SLC49A3: variants seen among roughly 807,000 people sequenced by gnomAD.
SLC49A3 encodes solute carrier family 49 member 3.
SLC49A3 carries 50 observed loss-of-function variants against 43.8 expected under a neutral mutation model. The ratio of observed to expected loss-of-function variants is 1.14; its 90% CI spans 0.91 to 1.45. The LOEUF (loss-of-function observed/expected upper bound fraction) is 1.45, where lower values mean the gene tolerates loss of function less well. SLC49A3 is among the 40% of genes most tolerant of loss of function. The probability of loss-of-function intolerance (pLI) is 0.00; values close to 1 mark genes in which losing one functional copy is unlikely to be tolerated. For missense variants in SLC49A3, 906 were observed against 774.1 expected, an observed-to-expected ratio of 1.17 and a Z score of -2.02; for synonymous variants, 413 against 352.0, an observed-to-expected ratio of 1.17 and a Z score of -1.94.
Position 684,714 on chromosome 4 carries a change from C to T in SLC49A3, c.723+5G>A. On this transcript the variant is annotated splice_donor_5th_base_variant and intron_variant, in intron 5 of 9. Transcript: ENST00000322224. ...ACCCTACCCCGGGGATCCCACGGCA[C>T]TGACCAGCTTGAGCCCATCCAGGAA... The T allele has an allele frequency of 6.2e-7, 1 of 1,610,362 alleles. No homozygotes were observed. The highest frequency in any genetic ancestry group is 8.5e-7 in the Non-Finnish European group (1 of 1,178,930).
At chr4:679,980 T>A (rs776610977), downstream of SLC49A3, 16 of 1,613,514 alleles carry the variant, frequency 9.9e-6, no homozygotes, top group South Asian at 1.3e-4. Context: ...CCCATCAACT[T>A]CACCATGTTT....
Position 688,994 on chromosome 4 carries a change from G to C in SLC49A3, c.134C>G (p.Thr45Arg). The change falls in exon 1 of 10, where the codon ACG becomes AGG. Residue 45 changes from threonine (T) to arginine (R), a missense_variant and splice_region_variant. By Grantham distance (71) the Thr-to-Arg change is moderately conservative (BLOSUM62 -1). Coordinates refer to ENST00000322224, the MANE Select transcript of SLC49A3 (RefSeq NM_032219.4). ...ACCTGTCCCCGCCCCTGCCCCTACCGTGGCGTTGGAGCAGTTGAGCAGGCT... is the reference window on the plus strand; with the variant it reads ...ACCTGTCCCCGCCCCTGCCCCTACCCTGGCGTTGGAGCAGTTGAGCAGGCT... ...AISLLNCSNA[T>R]LWLSFAPVAD... 5.0e-6 allele frequency: 8 copies of C among 1,592,702 alleles called. No individual in the cohort carries two copies. The highest frequency in any genetic ancestry group is 6.8e-6 in the Non-Finnish European group (8 of 1,171,522).
chr4:685,574 C>T lies in SLC49A3; in HGVS notation c.585+261G>A, dbSNP rs937158238. Among the ~76,000 whole-genome samples, 2 of 152,042 alleles carry T rather than the reference C, an allele frequency of 1.3e-5. No individual in the cohort carries two copies. The highest frequency in any genetic ancestry group is 6.5e-5 in the Admixed American group (1 of 15,268). The stretch of plus-strand genomic sequence containing the variant: ...AAAAAAAATTAGCCAAGCATGGTGG[C>T]GCACGCCTGTAGTCCCAGCTACTCG... On this transcript the variant is annotated intron_variant, in intron 4 of 9. Coordinates refer to ENST00000322224, the MANE Select transcript of SLC49A3 (RefSeq NM_032219.4). This position sits in a 1 kb window ranked among gnomAD's most constrained non-coding sequence, Gnocchi z 4.3.
downstream of SLC49A3, among the ~76,000 whole-genome samples, chr4:681,543 C>A (rs1739542447): frequency 6.7e-6 from 1 of 148,634 alleles, no homozygotes; most frequent in Admixed American, 6.7e-5. Flanking sequence ...TCCTCCCCGA[C>A]GCTGCTGAAG....
At chr4:684,688 C>G in intron 5 of SLC49A3, 31 bp downstream of exon 5, 1 of 1,605,624 alleles carries the variant, frequency 6.2e-7, no homozygotes, top group Non-Finnish European at 8.5e-7. Context: ...CCCCCAAATC[C>G]ACCCTACCCC....
chr4:678,969 C>T (rs1439145636), downstream of SLC49A3: 1 of 1,613,804 alleles, frequency 6.2e-7, no homozygotes, highest in Non-Finnish European at 8.5e-7. Context: ...CATTCACACT[C>T]ATGGATCAGA....
chr4:686,261 T>C lies in SLC49A3; in HGVS notation c.336A>G (p.Leu112=), dbSNP rs1434210940. ...GAWLNFAGSV[L]RMVPCMVVGT... is the part of the protein sequence containing the mutation. ...CAACAACCATGCAGGGCACCATGCG[T>C]AGCACACTCCCGGCAAAGTTCAGCC... The change falls in exon 3 of 10, where the codon CTA becomes CTG. Residue 112 remains leucine, a synonymous_variant. Coordinates refer to ENST00000322224, the MANE Select transcript of SLC49A3 (RefSeq NM_032219.4). 1 of 1,613,444 alleles carries C rather than the reference T, an allele frequency of 6.2e-7. No individual in the cohort carries two copies. Among genetic ancestry groups the C allele is most frequent in the South Asian group, 1.1e-5 (1 of 91,090 alleles).
At position 685,011 on chromosome 4, in the gene SLC49A3, G is replaced by A; in HGVS notation, c.586-155C>T. 2.9e-6 allele frequency: 3 copies of A among 1,025,154 alleles called. No individual in the cohort carries two copies. In the South Asian group the frequency reaches 5.3e-5, roughly 18 times the overall value. 63.5% of individuals were successfully genotyped at this position (1,025,154 alleles called of 1,614,324 possible). On this transcript the variant is annotated intron_variant, in intron 4 of 9. Transcript: ENST00000322224. This position sits in a 1 kb window ranked among gnomAD's most constrained non-coding sequence, Gnocchi z 4.3. ...CTGCAGCTGCCCTTTGCGAGGCCCAGGCTGGGAGGGGCCTGCTCCAGGGGC... is the reference window on the plus strand; with the variant it reads ...CTGCAGCTGCCCTTTGCGAGGCCCAAGCTGGGAGGGGCCTGCTCCAGGGGC...
downstream of SLC49A3, chr4:681,787 C>T: frequency 8.1e-7 from 1 of 1,233,552 alleles, no homozygotes; most frequent in Non-Finnish European, 1.0e-6. Context: ...GGGCCCCTCC[C>T]CGCTCCCCCT....
In SLC49A3 at chr4:686,675, C is replaced by T; in HGVS notation, c.151G>A (p.Ala51Thr). 6.2e-7 allele frequency: 1 copy of T among 1,612,866 alleles called. No homozygotes were observed. Among genetic ancestry groups the T allele is most frequent in the Non-Finnish European group, 8.5e-7 (1 of 1,179,824 alleles). ...TCAGCAATGACGTCAGCCACAGGTG[C>T]AAAGCTGAGCCACAGCTGCAGGGGT... is the stretch of plus-strand genomic sequence containing the variant. ...CSNATLWLSF[A>T]PVADVIAEDL... The change falls in exon 2 of 10, where the codon GCA becomes ACA. Residue 51 changes from alanine (A) to threonine (T), a missense_variant. Ala to Thr is a moderately conservative substitution (Grantham distance 58, BLOSUM62 0). Transcript: ENST00000322224.
chr4:680,999 G>A (rs568509248), downstream of SLC49A3: 23 of 1,417,274 alleles, frequency 1.6e-5, no homozygotes, highest in Middle Eastern at 3.7e-4. Flanking sequence ...CAGTGAGCGA[G>A]TACAACCTGG....
At chr4:681,810 A>G (rs1739699383), downstream of SLC49A3, 3 of 1,251,532 alleles carry the variant, frequency 2.4e-6, no homozygotes, top group Admixed American at 7.9e-5. Flanking sequence ...CGCGGCGCAG[A>G]AACCACACCC....
In SLC49A3 at chr4:683,691, T is replaced by G. The variant is rs780717234; in HGVS notation, c.911A>C (p.Tyr304Ser). 4 of 1,605,254 alleles carry G rather than the reference T, an allele frequency of 2.5e-6. No individual in the cohort carries two copies. The African/African-American group carries it at 5.4e-5, about 21-fold the overall frequency. ...AGTGAAGTGCTTGGTCCGGTCCACA[T>G]AGGGGCCGAGAGCCAGTGCCCCCAG... ...GILGALALGP[Y>S]VDRTKHFTEA... The change falls in exon 7 of 10, where the codon TAT becomes TCT. Residue 304 changes from tyrosine to serine, a missense_variant. By Grantham distance (144) the Tyr-to-Ser change is moderately radical. Coordinates refer to ENST00000322224, the MANE Select transcript of SLC49A3 (RefSeq NM_032219.4).
At position 685,850 on chromosome 4, in the gene SLC49A3, C is replaced by G. The variant is rs1240512294; in HGVS notation, c.570G>C (p.Glu190Asp). ...VLSPVLVKKG[E>D]DIPLMLGVYT... is the part of the protein sequence containing the mutation. Reference sequence around the variant, plus strand: ...GACCCCTCACCATTAACGGAATGTCCTCACCCTTCTTGACCAGCACAGGGG... The same window carrying G: ...GACCCCTCACCATTAACGGAATGTCGTCACCCTTCTTGACCAGCACAGGGG... Residue 190 changes from glutamate (E) to aspartate (D), a missense_variant, in exon 4 of 10, where the codon GAG (glutamate) becomes GAC (aspartate). Physicochemically the swap from Glu to Asp is conservative, Grantham distance 45. Coordinates refer to ENST00000322224, the MANE Select transcript of SLC49A3 (RefSeq NM_032219.4). This position sits in a 1 kb window ranked among gnomAD's most constrained non-coding sequence, Gnocchi z 4.3. 1 of 1,613,978 alleles carries G rather than the reference C, an allele frequency of 6.2e-7. No homozygotes were observed. Among genetic ancestry groups the G allele is most frequent in the Non-Finnish European group, 8.5e-7 (1 of 1,179,990 alleles).
rs576663900 is a variant in SLC49A3, at chr4:681,962, G to T, written c.1676C>A (p.Thr559Lys). ...CCTGGACTACAAGGCGCTCAGCTAC[G>T]TGATCACCCACGGGGAGGAGAAGGA... The part of the protein sequence containing the change: ...HSSFSSPWVI[T>K] Residue 559 changes from threonine to lysine, a missense_variant, in exon 10 of 10, where the codon ACG becomes AAG. Transcript: ENST00000322224. 2.2e-6 allele frequency: 3 copies of T among 1,371,758 alleles called. No individual in the cohort carries two copies. Among genetic ancestry groups the T allele is most frequent in the Admixed American group, 2.9e-5 (1 of 34,802 alleles). The allele number at this position is 1,371,758 out of a possible 1,614,324, so 85.0% of individuals were successfully genotyped here. A position where few individuals can be genotyped will look rare whatever the true frequency, so the allele number is the denominator to read the frequency against.
downstream of SLC49A3, chr4:676,882 A>G (rs117211311): frequency 1.3e-4 from 128 of 985,280 alleles, 1 homozygote; most frequent in East Asian, 9.3e-3. Context: ...CCTCAACCTC[A>G]GGAGTCAGTG....
rs536632174 is a variant in SLC49A3 at position 685,144 on chromosome 4, C to T, written c.586-288G>A. The T allele has an allele frequency of 4.8e-5, 24 of 502,650 alleles. No homozygotes were observed. Among genetic ancestry groups the T allele is most frequent in the Non-Finnish European group, 1.4e-5 (4 of 283,586 alleles). 31.1% of individuals were successfully genotyped at this position (502,650 alleles called of 1,614,324 possible). A position where few individuals can be genotyped will look rare whatever the true frequency, so the allele number is the denominator to read the frequency against. On this transcript the variant is annotated intron_variant, in intron 4 of 9. Coordinates refer to ENST00000322224, the MANE Select transcript of SLC49A3 (RefSeq NM_032219.4). The surrounding 1 kb of genome is among the most constrained non-coding windows in gnomAD (Gnocchi z 4.3). ...GACTTACATCTCACTGCCAGCTGCA[C>T]AGCCCATGATAGGGCTCAACACACA...
Position 682,099 on chromosome 4 carries a change from T to C in SLC49A3, c.1539A>G (p.Arg513=). ...CTGGGCCTTGCGCACGGGGAGTCGC[T>C]CGGTGGCAGGCTGGGTGGGGGCTCC... ...GPGSPHPACH[R]ATPRAQGPAA... is the part of the protein sequence containing the mutation. The change falls in exon 10 of 10, where the codon CGA becomes CGG. Residue 513 remains arginine (R), a synonymous_variant. Coordinates refer to ENST00000322224, the MANE Select transcript of SLC49A3 (RefSeq NM_032219.4). 7.3e-7 allele frequency: 1 copy of C among 1,377,584 alleles called. No individual in the cohort carries two copies. Among genetic ancestry groups the C allele is most frequent in the Non-Finnish European group, 9.5e-7 (1 of 1,054,258 alleles). The allele number at this position is 1,377,584 out of a possible 1,614,324, so 85.3% of individuals were successfully genotyped here.
Position 682,144 on chromosome 4 carries a change from T to C in SLC49A3, c.1494A>G (p.Leu498=). The C allele has an allele frequency of 1.5e-6, 2 of 1,340,954 alleles. No individual in the cohort carries two copies. Among genetic ancestry groups the C allele is most frequent in the Non-Finnish European group, 1.9e-6 (2 of 1,034,580 alleles). 83.1% of individuals were successfully genotyped at this position (1,340,954 alleles called of 1,614,324 possible). ...TPECTARGAS[L]EDPRGPGSPH... Reference sequence around the variant, plus strand: ...GGCTCCCGGGCCCTCTGGGGTCCTCTAGCGAGGCCCCCCTCGCCGTGCACT... The same window carrying C: ...GGCTCCCGGGCCCTCTGGGGTCCTCCAGCGAGGCCCCCCTCGCCGTGCACT... Residue 498 remains leucine (L), a synonymous_variant, in exon 10 of 10, where the codon CTA becomes CTG. Coordinates refer to ENST00000322224, the MANE Select transcript of SLC49A3 (RefSeq NM_032219.4).
Sources: gnomAD v4.1 joint callset for allele counts (sites outside exome capture counted in the v4.1 genomes callset) on GRCh38, gnomAD v4.1.1 for gene constraint, Gnocchi (gnomAD v3.1) non-coding constraint, MANE v1.5 for transcripts, NCBI Gene and HGNC (gene_info 2026-07-23, HGNC 2026-07-21) for gene names.